CDH18: variants seen among roughly 807,000 people sequenced by gnomAD.
The protein encoded by CDH18 is cadherin 18, also known as cadherin-18.
A neutral mutation model predicts 67.9 loss-of-function variants in CDH18; 31 were observed. The observed-to-expected ratio is 0.46, with a 90% CI of 0.34 to 0.62. CDH18 has a LOEUF of 0.62. Ranked by LOEUF, CDH18 falls within the 20% of genes least tolerant of loss-of-function variation. The pLI is 0.01. For missense variants in CDH18, 890 were observed against 975.5 expected (o/e 0.91, Z 1.17); for synonymous variants, 362 against 347.2 (o/e 1.04, Z -0.48).
At chr5:19,724,928 C>CT (rs34393612) in intron 4 of CDH18, among the ~76,000 whole-genome samples, 1,271 of 122,350 alleles carry the variant, frequency 0.01, 17 homozygotes, top group African/African-American at 0.028. Context: ...ATATTAAGGC[C>CT]TTTTTTTTTT....
intron 2 of CDH18, among the ~76,000 whole-genome samples, chr5:20,238,414 T>C (rs1742637482): frequency 6.6e-6 from 1 of 152,110 alleles, no homozygotes. Flanking sequence ...TCGGGAATAA[T>C]TTGAACAGCC....
At chr5:20,389,757 A>C (rs1484930131) in intron 1 of CDH18, among the ~76,000 whole-genome samples, 1 of 152,072 alleles carries the variant, frequency 6.6e-6, no homozygotes, top group East Asian at 1.9e-4. Context: ...GTTACAGTAA[A>C]CAAAACAGCA....
At chr5:19,928,658 A>C (rs1241444566) in intron 2 of CDH18, among the ~76,000 whole-genome samples, 1 of 152,168 alleles carries the variant, frequency 6.6e-6, no homozygotes, top group Non-Finnish European at 1.5e-5. Context: ...GGCTAAGAGT[A>C]GCAAAAGAGA....
chr5:19,669,905 T>C (rs1758508650), intron 5 of CDH18, among the ~76,000 whole-genome samples: 2 of 152,192 alleles, frequency 1.3e-5, no homozygotes, highest in Admixed American at 6.6e-5. Flanking sequence ...TTTTATGTTA[T>C]AGATCTTAAC....
chr5:19,764,199 C>T (rs1340361952), intron 3 of CDH18, among the ~76,000 whole-genome samples: 3 of 148,844 alleles, frequency 2.0e-5, no homozygotes, highest in Admixed American at 6.7e-5. Context: ...AAATACAGTA[C>T]ATATATGCAA....
At chr5:19,535,775 C>T (rs1749321007) in intron 9 of CDH18, among the ~76,000 whole-genome samples, 1 of 152,130 alleles carries the variant, frequency 6.6e-6, no homozygotes, top group African/African-American at 2.4e-5. Context: ...TTTGTTGTTT[C>T]ATTTGTAAAT....
intron 12 of CDH18, among the ~76,000 whole-genome samples, chr5:19,475,427 T>C (rs1434898431): frequency 1.3e-5 from 2 of 152,074 alleles, no homozygotes; most frequent in East Asian, 1.9e-4. Flanking sequence ...TAAAGAATTT[T>C]GAATCAGAAT....
At chr5:20,432,372 G>C (rs181506818) in intron 1 of CDH18, among the ~76,000 whole-genome samples, 2 of 152,246 alleles carry the variant, frequency 1.3e-5, no homozygotes, top group Non-Finnish European at 2.9e-5. Flanking sequence ...TTGGTAAAGG[G>C]TTTGAGCTCA....
At chr5:20,432,800 T>C (rs955700150) in intron 1 of CDH18, among the ~76,000 whole-genome samples, 4 of 151,824 alleles carry the variant, frequency 2.6e-5, no homozygotes, top group Non-Finnish European at 4.4e-5. Context: ...AGTTGCATTC[T>C]GGGGTATTGG....
At chr5:20,390,877 T>C (rs1487116034) in intron 1 of CDH18, among the ~76,000 whole-genome samples, 1 of 152,090 alleles carries the variant, frequency 6.6e-6, no homozygotes, top group African/African-American at 2.4e-5. Context: ...CTCAGCAAAC[T>C]ATCACAAGGA....
At chr5:19,849,615 TATATATATAAACATATATATACAC>T (rs1783425210) in intron 2 of CDH18, among the ~76,000 whole-genome samples, 2 of 92,076 alleles carry the variant, frequency 2.2e-5, no homozygotes, top group Admixed American at 1.2e-4. Context: ...TATACACGCA[TATATATATAAACATATATATACAC>T]GCATATATAT....
intron 2 of CDH18, among the ~76,000 whole-genome samples, chr5:19,855,705 T>C (rs1784211881): frequency 6.6e-6 from 1 of 152,108 alleles, no homozygotes; most frequent in South Asian, 2.1e-4. Flanking sequence ...TGTTTTCCAG[T>C]AGTAATGGTT....
chr5:20,177,852 G>A (rs1737363707), intron 2 of CDH18, among the ~76,000 whole-genome samples: 2 of 152,100 alleles, frequency 1.3e-5, no homozygotes, highest in African/African-American at 4.8e-5. Context: ...TCTCTTTGCT[G>A]CTGCCATCCA....
At chr5:19,526,953 G>A (rs373594370) in intron 9 of CDH18, among the ~76,000 whole-genome samples, 1 of 151,826 alleles carries the variant, frequency 6.6e-6, no homozygotes, top group Non-Finnish European at 1.5e-5. Context: ...AAATGCCCAT[G>A]AGAATAAAGA....
At chr5:20,280,748 G>A (rs1188571891) in intron 1 of CDH18, among the ~76,000 whole-genome samples, 1 of 152,100 alleles carries the variant, frequency 6.6e-6, no homozygotes, top group Non-Finnish European at 1.5e-5. Flanking sequence ...GGGTCAAATG[G>A]TATTTCTAGT....
At chr5:20,095,427 G>GAAAGA (rs1554089646) in intron 2 of CDH18, among the ~76,000 whole-genome samples, 84 of 122,948 alleles carry the variant, frequency 6.8e-4, no homozygotes, top group Middle Eastern at 9.2e-3. Flanking sequence ...AAGAAAGAAA[G>GAAAGA]AAAGAAAGAA....
At chr5:19,513,326 A>C (rs1745418936) in intron 10 of CDH18, among the ~76,000 whole-genome samples, 1 of 152,114 alleles carries the variant, frequency 6.6e-6, no homozygotes, top group African/African-American at 2.4e-5. Context: ...AAATATATGC[A>C]TTATGTCTAA....
chr5:20,245,423 G>A (rs1459611439), intron 2 of CDH18, among the ~76,000 whole-genome samples: 1 of 152,132 alleles, frequency 6.6e-6, no homozygotes, highest in Admixed American at 6.6e-5. Flanking sequence ...GAAAATAGCT[G>A]TCAAACAGCC....
intron 1 of CDH18, among the ~76,000 whole-genome samples, chr5:20,469,337 T>C (rs1251818695): frequency 2.1e-5 from 3 of 141,388 alleles, no homozygotes; most frequent in Non-Finnish European, 4.8e-5. Flanking sequence ...TCAATATGTT[T>C]AAAAAACTAG....
Sources: gnomAD v4.1 joint callset for allele counts (sites outside exome capture counted in the v4.1 genomes callset) on GRCh38, gnomAD v4.1.1 for gene constraint, MANE v1.5 for transcripts, NCBI Gene and HGNC (gene_info 2026-07-23, HGNC 2026-07-21) for gene names.